UBE2E3: variants seen among roughly 807,000 people sequenced by gnomAD.
UBE2E3 encodes the protein ubiquitin-conjugating enzyme E2 E3.
In UBE2E3, 5 loss-of-function variants were observed where a neutral mutation model predicts 23.6. The observed-to-expected ratio is 0.21, with a 90% confidence interval of 0.11 to 0.44. The LOEUF is 0.44. UBE2E3 is among the 20% of genes least tolerant of loss of function. The pLI, the probability that UBE2E3 is intolerant of heterozygous loss-of-function variation, is 0.99. For synonymous variants in UBE2E3, 78 were observed against 87.5 expected (o/e 0.89, Z 0.60); for missense variants, 81 against 249.8 (o/e 0.32, Z 4.55).
At chr2:181,059,277 G>T (rs1465785530) in intron 4 of UBE2E3, among the ~76,000 whole-genome samples, 1 of 151,668 alleles carries the variant, frequency 6.6e-6, no homozygotes, top group Non-Finnish European at 1.5e-5. Context: ...GTTTGGAAAA[G>T]TTGAGCTTCT....
chr2:180,985,635 C>A (rs1338588844), intron 3 of UBE2E3, among the ~76,000 whole-genome samples: 1 of 152,072 alleles, frequency 6.6e-6, no homozygotes, highest in Non-Finnish European at 1.5e-5. Context: ...AATGGTGTGT[C>A]AAATCTGTAG....
chr2:180,995,782 G>A (rs1479117749), intron 3 of UBE2E3, among the ~76,000 whole-genome samples: 1 of 120,372 alleles, frequency 8.3e-6, no homozygotes, highest in Non-Finnish European at 1.8e-5. Context: ...TTGTTTGTTT[G>A]TTTTGTTTTA....
chr2:181,008,344 G>T (rs970460464), intron 3 of UBE2E3, among the ~76,000 whole-genome samples: 6 of 152,218 alleles, frequency 3.9e-5, no homozygotes, highest in African/African-American at 1.4e-4. Context: ...TGAGAAAACT[G>T]AGGTACAGAG....
chr2:181,057,158 G>A (rs765992960), intron 3 of UBE2E3, among the ~76,000 whole-genome samples: 32 of 151,716 alleles, frequency 2.1e-4, no homozygotes, highest in Non-Finnish European at 4.1e-4. Flanking sequence ...GTCCTGCATC[G>A]GAGAAAAATT....
At chr2:181,034,538 GAGC>G (rs1686202502) in intron 3 of UBE2E3, among the ~76,000 whole-genome samples, 1 of 152,170 alleles carries the variant, frequency 6.6e-6, no homozygotes, top group Non-Finnish European at 1.5e-5. Context: ...GGGGTGGGGG[GAGC>G]GGGGAGAGAT....
chr2:180,993,078 T>C (rs186812199), intron 3 of UBE2E3, among the ~76,000 whole-genome samples: 1 of 152,184 alleles, frequency 6.6e-6, no homozygotes, highest in Admixed American at 6.5e-5. Context: ...AGCCTTGGGA[T>C]TTTTATCTCT....
At chr2:181,042,866 AT>A (rs1166525798) in intron 3 of UBE2E3, among the ~76,000 whole-genome samples, 1 of 152,204 alleles carries the variant, frequency 6.6e-6, no homozygotes, top group Non-Finnish European at 1.5e-5. Flanking sequence ...ATGGAGAAAA[AT>A]TGAGTAATTT....
At chr2:181,060,037 C>G (rs1397845659) in intron 4 of UBE2E3, among the ~76,000 whole-genome samples, 1 of 151,572 alleles carries the variant, frequency 6.6e-6, no homozygotes, top group East Asian at 1.9e-4. Flanking sequence ...TATTAGTTTC[C>G]TTTATCCAGT....
chr2:180,988,218 T>C (rs1574156110), intron 3 of UBE2E3, among the ~76,000 whole-genome samples: 1 of 152,166 alleles, frequency 6.6e-6, no homozygotes, highest in Non-Finnish European at 1.5e-5. Context: ...GTGTAGCCTG[T>C]AGTGATGTGC....
At chr2:181,034,539 A>C (rs1043503915) in intron 3 of UBE2E3, among the ~76,000 whole-genome samples, 1 of 152,160 alleles carries the variant, frequency 6.6e-6, no homozygotes, top group African/African-American at 2.4e-5. Flanking sequence ...GGGTGGGGGG[A>C]GCGGGGAGAG....
intron 3 of UBE2E3, among the ~76,000 whole-genome samples, chr2:181,024,926 A>C (rs1030961533): frequency 6.6e-6 from 1 of 152,002 alleles, no homozygotes. Flanking sequence ...ATACTGCTTC[A>C]CATCAGCTCT....
chr2:181,001,266 G>A (rs527342024), intron 3 of UBE2E3, among the ~76,000 whole-genome samples: 58 of 152,304 alleles, frequency 3.8e-4, no homozygotes, highest in African/African-American at 1.3e-3. Flanking sequence ...ATGAAATGAG[G>A]TAAAATATGT....
At chr2:181,033,739 A>G (rs1686166518) in intron 3 of UBE2E3, among the ~76,000 whole-genome samples, 1 of 152,200 alleles carries the variant, frequency 6.6e-6, no homozygotes, top group Non-Finnish European at 1.5e-5. Context: ...CAGAGTGAAC[A>G]GGCAACCTAC....
At chr2:180,992,045 A>C (rs1684674272) in intron 3 of UBE2E3, among the ~76,000 whole-genome samples, 1 of 152,256 alleles carries the variant, frequency 6.6e-6, no homozygotes. Context: ...CTCATGATGA[A>C]AGGGTATTTT....
At chr2:180,997,699 A>G (rs933761956) in intron 3 of UBE2E3, among the ~76,000 whole-genome samples, 1 of 152,014 alleles carries the variant, frequency 6.6e-6, no homozygotes. Context: ...TTCTTCCATT[A>G]TGTAGAAAAG....
chr2:180,997,453 G>T (rs1000409130), intron 3 of UBE2E3, among the ~76,000 whole-genome samples: 3 of 151,924 alleles, frequency 2.0e-5, no homozygotes, highest in Non-Finnish European at 4.4e-5. Flanking sequence ...TACTTGAAAT[G>T]TGTCTTCTTT....
Position 181,044,415 on chromosome 2 carries a change from A to C in UBE2E3, c.246-13278A>C, listed in dbSNP as rs573820976. ...ACTATGTATGGCAAGAAGGATGCCAAATATCACTTCAGGGCAAACCCAGAT... is the reference window on the plus strand; with the variant it reads ...ACTATGTATGGCAAGAAGGATGCCACATATCACTTCAGGGCAAACCCAGAT... On this transcript the variant is annotated intron_variant, in intron 3 of 5. Transcript: ENST00000410062. Among the ~76,000 whole-genome samples the C allele has an allele frequency of 1.9e-4, 29 of 152,266 alleles. No homozygotes were observed. In the East Asian group the frequency reaches 3.7e-3, roughly 19 times the overall value.
intron 3 of UBE2E3, among the ~76,000 whole-genome samples, chr2:181,000,443 C>G (rs1354836191): frequency 6.6e-6 from 1 of 152,068 alleles, no homozygotes; most frequent in Admixed American, 6.5e-5. Context: ...CCAGGGGGTA[C>G]CATTCATACT....
chr2:181,032,293 G>A (rs933351728), intron 3 of UBE2E3, among the ~76,000 whole-genome samples: 1 of 152,152 alleles, frequency 6.6e-6, no homozygotes, highest in Non-Finnish European at 1.5e-5. Flanking sequence ...ATAAAATAAC[G>A]TGTATCCAAC....
Sources: allele counts gnomAD v4.1 joint callset (sites outside exome capture counted in the v4.1 genomes callset), GRCh38; gene constraint gnomAD v4.1.1; transcripts MANE v1.5; gene names NCBI Gene and HGNC (gene_info 2026-07-23, HGNC 2026-07-21).